FAM124A: variants seen among roughly 807,000 people sequenced by gnomAD.
The protein encoded by FAM124A is family with sequence similarity 124 member A, also known as protein FAM124A.
A neutral mutation model predicts 24.5 loss-of-function variants in FAM124A; 23 were observed. The ratio of observed to expected loss-of-function variants is 0.94; its 90% CI spans 0.68 to 1.33. FAM124A has a LOEUF of 1.33. Ranked by LOEUF, FAM124A falls within the 40% of genes most tolerant of loss-of-function variation. The probability of loss-of-function intolerance (pLI) is 0.00; values close to 1 mark genes in which losing one functional copy is unlikely to be tolerated. For missense variants in FAM124A, 623 were observed against 722.8 expected, an observed-to-expected ratio of 0.86 and a Z score of 1.58; for synonymous variants, 287 against 314.7, an observed-to-expected ratio of 0.91 and a Z score of 0.93.
At chr13:51,238,451 T>G (rs1336325371) in intron 2 of FAM124A, among the ~76,000 whole-genome samples, 1 of 152,258 alleles carries the variant, frequency 6.6e-6, no homozygotes, top group Non-Finnish European at 1.5e-5. Context: ...ACTTTTGGGT[T>G]CTAATTTTTA....
At chr13:51,237,097 TAAAGA>T (rs1954441950) in intron 2 of FAM124A, among the ~76,000 whole-genome samples, 1 of 152,174 alleles carries the variant, frequency 6.6e-6, no homozygotes, top group Non-Finnish European at 1.5e-5. Flanking sequence ...AAAATTGTCA[TAAAGA>T]AAAGTCACCA....
intron 2 of FAM124A, among the ~76,000 whole-genome samples, chr13:51,246,819 A>T (rs1320634592): frequency 1.3e-5 from 2 of 152,228 alleles, no homozygotes; most frequent in African/African-American, 2.4e-5. Flanking sequence ...TGTGTAACTG[A>T]TAGAGATGGC....
chr13:51,229,585 G>C (rs4942976), intron 1 of FAM124A, among the ~76,000 whole-genome samples: 17 of 152,252 alleles, frequency 1.1e-4, no homozygotes, highest in Admixed American at 3.9e-4. Flanking sequence ...GAAAATCCTA[G>C]CTGAAAATAC....
chr13:51,250,507 G>A (rs1164979393), intron 2 of FAM124A, among the ~76,000 whole-genome samples: 1 of 152,158 alleles, frequency 6.6e-6, no homozygotes, highest in Non-Finnish European at 1.5e-5. Context: ...CCAAAAAACT[G>A]TCACCCCATG....
At chr13:51,244,192 C>T (rs1214462828) in intron 2 of FAM124A, among the ~76,000 whole-genome samples, 1 of 152,138 alleles carries the variant, frequency 6.6e-6, no homozygotes. Context: ...GCAGTTTATT[C>T]CGTCAATGGT....
chr13:51,227,984 A>G (rs182212239), intron 1 of FAM124A, among the ~76,000 whole-genome samples: 30 of 152,362 alleles, frequency 2.0e-4, no homozygotes, highest in African/African-American at 7.0e-4. Flanking sequence ...GAAATGCTGT[A>G]TAGAAGACCA....
At chr13:51,277,984 G>A (rs1954899993) in intron 3 of FAM124A, among the ~76,000 whole-genome samples, 2 of 152,184 alleles carry the variant, frequency 1.3e-5, no homozygotes, top group Admixed American at 1.3e-4. Flanking sequence ...TGACTTTAGG[G>A]ACATAGCCAA....
At chr13:51,245,626 C>T (rs933696446) in intron 2 of FAM124A, among the ~76,000 whole-genome samples, 1 of 152,178 alleles carries the variant, frequency 6.6e-6, no homozygotes, top group Non-Finnish European at 1.5e-5. Flanking sequence ...TCTCCTGTAT[C>T]ACGAGGATTG....
intron 1 of FAM124A, chr13:51,227,335 T>A (rs1954326076): frequency 6.6e-6 from 1 of 152,236 alleles, no homozygotes. Context: ...CCTAGTGAAG[T>A]TGCCTCTCCA....
At position 51,280,834 on chromosome 13, in the gene FAM124A, G is replaced by A. The variant is rs1409178648; in HGVS notation, c.1219G>A (p.Glu407Lys). 3 of 1,614,032 alleles carry A rather than the reference G, an allele frequency of 1.9e-6. No individual in the cohort carries two copies. Among genetic ancestry groups the A allele is most frequent in the African/African-American group, 1.3e-5 (1 of 74,944 alleles). Residue 407 changes from glutamate to lysine, a missense_variant, in exon 4 of 4, where the codon GAG becomes AAG. Glu to Lys is a moderately conservative substitution (Grantham distance 56, BLOSUM62 1). Transcript: ENST00000322475. ...CCACCTCCTCTCCATCGATGACCTA[G>A]AGGGGGCCCAGGAGACAGACGTGGA... ...HGHLLSIDDLEGAQETDVDTG... is the reference protein window; with the variant it reads ...HGHLLSIDDLKGAQETDVDTG...
chr13:51,232,979 C>T (rs960376220), intron 2 of FAM124A, among the ~76,000 whole-genome samples: 9 of 152,108 alleles, frequency 5.9e-5, no homozygotes, highest in African/African-American at 2.2e-4. Context: ...GGATCAATAC[C>T]CTGCTATTGC....
chr13:51,239,285 C>G (rs775465273), intron 2 of FAM124A, among the ~76,000 whole-genome samples: 1 of 152,224 alleles, frequency 6.6e-6, no homozygotes, highest in Non-Finnish European at 1.5e-5. Flanking sequence ...GAAGCAAACC[C>G]AGAATCCTAC....
chr13:51,242,851 CAT>C (rs1486673422), intron 2 of FAM124A, among the ~76,000 whole-genome samples: 1 of 151,998 alleles, frequency 6.6e-6, no homozygotes. Flanking sequence ...TCCAGCAAAT[CAT>C]AAAAAAAATG....
chr13:51,259,754 C>T (rs1954714816), intron 3 of FAM124A, among the ~76,000 whole-genome samples: 1 of 152,196 alleles, frequency 6.6e-6, no homozygotes, highest in Admixed American at 6.5e-5. Context: ...ACAGGCTTGG[C>T]CACCTCCCCA....
chr13:51,228,207 A>G (rs1954336686), intron 1 of FAM124A, among the ~76,000 whole-genome samples: 1 of 151,490 alleles, frequency 6.6e-6, no homozygotes, highest in Non-Finnish European at 1.5e-5. Context: ...TATATGTAGT[A>G]TATATATATA....
At chr13:51,257,304 G>A (rs554985686) in intron 3 of FAM124A, among the ~76,000 whole-genome samples, 1 of 152,328 alleles carries the variant, frequency 6.6e-6, no homozygotes, top group African/African-American at 2.4e-5. Context: ...TTCCCAGCAA[G>A]AGTGCACAAG....
intron 3 of FAM124A, among the ~76,000 whole-genome samples, chr13:51,261,997 G>T (rs1009024995): frequency 1.3e-5 from 2 of 152,348 alleles, no homozygotes; most frequent in African/African-American, 4.8e-5. Flanking sequence ...TTGTTCTGTG[G>T]CATGGCTCAT....
chr13:51,223,980 A>AT (rs1273793762), intron 1 of FAM124A, among the ~76,000 whole-genome samples: 1 of 152,128 alleles, frequency 6.6e-6, no homozygotes, highest in African/African-American at 2.4e-5. Flanking sequence ...TAAAACTGAT[A>AT]TTTTTTTCAA....
intron 2 of FAM124A, among the ~76,000 whole-genome samples, chr13:51,239,153 A>G (rs1593589956): frequency 6.6e-6 from 1 of 152,228 alleles, no homozygotes; most frequent in South Asian, 2.1e-4. Context: ...ACGAAAGTGA[A>G]TAACTGCCAC....
Sources: gnomAD v4.1 joint callset for allele counts (sites outside exome capture counted in the v4.1 genomes callset) on GRCh38, gnomAD v4.1.1 for gene constraint, MANE v1.5 for transcripts, NCBI Gene and HGNC (gene_info 2026-07-23, HGNC 2026-07-21) for gene names.